Variants in COL5A1 observed in about 807,000 individuals in gnomAD.
COL5A1 encodes collagen type V alpha 1 chain.
Under a neutral mutation model 263.7 loss-of-function variants are expected in COL5A1, and 16 were observed. The ratio of observed to expected loss-of-function variants is 0.06; its 90% CI spans 0.04 to 0.09. COL5A1 has a LOEUF of 0.09. COL5A1 is among the 10% of genes least tolerant of loss of function. The pLI, the probability that COL5A1 is intolerant of heterozygous loss-of-function variation, is 1.00. For missense variants in COL5A1, 2,036 were observed against 2,540.5 expected (o/e 0.80, Z 4.27); for synonymous variants, 1,012 against 1,004.5 (o/e 1.01, Z -0.14).
intron 1 of COL5A1, among the ~76,000 whole-genome samples, chr9:134,648,435 A>G (rs1230112899): frequency 6.6e-6 from 1 of 152,052 alleles, no homozygotes; most frequent in Non-Finnish European, 1.5e-5. Flanking sequence ...CATAGGGACC[A>G]GGGTGGCCTG....
intron 1 of COL5A1, among the ~76,000 whole-genome samples, chr9:134,688,711 C>A: frequency 6.6e-6 from 1 of 152,146 alleles, no homozygotes; most frequent in Non-Finnish European, 1.5e-5. Context: ...TGTTCCCACG[C>A]CGCAGTGGGA....
Position 134,756,758 on chromosome 9 carries a change from GT to G in COL5A1, c.1828-5del. ...TTGCATTGACGGTTTTGCCTCCTTT[GT>G]TCCAGGGTCGGGCTGGGAGTGATGG... On this transcript the variant is annotated splice_region_variant and splice_polypyrimidine_tract_variant and intron_variant, in intron 16 of 65. Transcript: ENST00000371817. The G allele has an allele frequency of 6.2e-7, 1 of 1,614,040 alleles. No homozygotes were observed. The highest frequency in any genetic ancestry group is 8.5e-7 in the Non-Finnish European group (1 of 1,180,024).
At position 134,765,672 on chromosome 9, in the gene COL5A1, C is replaced by T. The variant is rs1275076639; in HGVS notation, c.2035-9C>T. 1 of 1,613,236 alleles carries T rather than the reference C, an allele frequency of 6.2e-7. No homozygotes were observed. Among genetic ancestry groups the T allele is most frequent in the Non-Finnish European group, 8.5e-7 (1 of 1,179,274 alleles). ...GAGTTTAAATCCTATTTTCCCTTTC[C>T]TCTTACAGGGGCCACGTGGTCTGCT... On this transcript the variant is annotated splice_polypyrimidine_tract_variant and intron_variant, in intron 20 of 65. Transcript: ENST00000371817. The surrounding 1 kb of genome is among the most constrained non-coding windows in gnomAD (Gnocchi z 5.1).
rs530226411 is a variant in COL5A1 at position 134,649,303 on chromosome 9, A to G, written c.109+7007A>G. On this transcript the variant is annotated intron_variant, in intron 1 of 65. Transcript: ENST00000371817. The stretch of plus-strand genomic sequence containing the variant: ...AGGAGTTTTTCTGGAGGAATCTCAA[A>G]CTAGGTAATAACCTCATATTAGCAG... The G allele has an allele frequency of 1.2e-5, 4 of 342,662 alleles. No homozygotes were observed. The Admixed American group carries it at 1.9e-4, about 16-fold the overall frequency. The allele number at this position is 342,662 out of a possible 1,614,324, so 21.2% of individuals were successfully genotyped here. A position where few individuals can be genotyped will look rare whatever the true frequency, so the allele number is the denominator to read the frequency against.
intron 1 of COL5A1, among the ~76,000 whole-genome samples, chr9:134,643,490 T>C (rs926264289): frequency 6.6e-6 from 1 of 152,174 alleles, no homozygotes; most frequent in African/African-American, 2.4e-5. Flanking sequence ...TAAAACACTC[T>C]TTTCCTTTTT....
In COL5A1 at chr9:134,830,033, C is replaced by T. The variant is rs375586129; in HGVS notation, c.5125C>T (p.Arg1709Cys). 7.1e-5 allele frequency: 114 copies of T among 1,613,906 alleles called. No homozygotes were observed. Among genetic ancestry groups the T allele is most frequent in the Non-Finnish European group, 9.2e-5 (109 of 1,179,974 alleles). The change falls in exon 64 of 66, where the codon CGT becomes TGT. Residue 1709 changes from arginine (R) to cysteine (C), a missense_variant. Transcript: ENST00000371817. Reference sequence around the variant, plus strand: ...GGGCTCCTGGTTCAGTGAATTCAAGCGTGGGAAACTGGTAAGGTGGCCTCT... The same window carrying T: ...GGGCTCCTGGTTCAGTGAATTCAAGTGTGGGAAACTGGTAAGGTGGCCTCT... ...NPGSWFSEFK[R>C]GKLLSYVDAE...
intron 42 of COL5A1, among the ~76,000 whole-genome samples, chr9:134,807,403 C>T (rs995487400): frequency 6.6e-6 from 1 of 152,216 alleles, no homozygotes; most frequent in African/African-American, 2.4e-5. Flanking sequence ...AAGCAATTCT[C>T]CTGCCTCAGC....
At chr9:134,776,932 C>T (rs1588536620) in intron 27 of COL5A1, among the ~76,000 whole-genome samples, 1 of 152,154 alleles carries the variant, frequency 6.6e-6, no homozygotes, top group East Asian at 1.9e-4. Context: ...CTGGTAAAGG[C>T]ATAATCCTAA....
rs1025787838 is a variant in COL5A1, at chr9:134,641,805, C to G, written c.-383C>G. On this transcript the variant is annotated 5_prime_UTR_variant, in exon 1 of 66. Transcript: ENST00000371817. ...AAGTGCTCCGCGCCGAAGGCGAGGTCCGCACTCTCCGTCCCCGCGGCTGGC... is the reference window on the plus strand; with the variant it reads ...AAGTGCTCCGCGCCGAAGGCGAGGTGCGCACTCTCCGTCCCCGCGGCTGGC... The G allele has an allele frequency of 2.6e-6, 1 of 385,250 alleles. No individual in the cohort carries two copies. The allele number at this position is 385,250 out of a possible 1,614,324, so 23.9% of individuals were successfully genotyped here.
intron 4 of COL5A1, among the ~76,000 whole-genome samples, chr9:134,711,729 C>T (rs1454651038): frequency 3.9e-5 from 6 of 152,032 alleles, no homozygotes; most frequent in African/African-American, 9.7e-5. Flanking sequence ...CTTGGGGTCC[C>T]GGATAGGAGG....
chr9:134,819,110 C>G, intron 57 of COL5A1, 57 bp downstream of exon 57: 1 of 1,571,150 alleles, frequency 6.4e-7, no homozygotes, highest in Non-Finnish European at 8.8e-7. Context: ...AATTTGTGGC[C>G]GTGGGTCTCA....
chr9:134,788,293 T>C lies in COL5A1; in HGVS notation c.2647-862T>C, dbSNP rs1461580825. Among the ~76,000 whole-genome samples, 6 of 146,386 alleles carry C rather than the reference T, an allele frequency of 4.1e-5. No individual in the cohort carries two copies. In the East Asian group the frequency reaches 1.2e-3, roughly 30 times the overall value. ...GTGGATGAATGGATGGGTGGGCAGG[T>C]AAGTAGACAGGTCGATGAATGGAGG... is the stretch of plus-strand genomic sequence containing the variant. On this transcript the variant is annotated intron_variant, in intron 31 of 65. Coordinates refer to ENST00000371817, the MANE Select transcript of COL5A1 (RefSeq NM_000093.5).
chr9:134,790,489 TCCAC>T lies in COL5A1; in HGVS notation c.2700+1301_2700+1304del, dbSNP rs1358310118. Among the ~76,000 whole-genome samples, 28 of 49,888 alleles carry T rather than the reference TCCAC, an allele frequency of 5.6e-4. 1 individual carries two copies. Among genetic ancestry groups the T allele is most frequent in the Admixed American group, 1.3e-3 (6 of 4,564 alleles). The allele number at this position is 49,888 out of a possible 152,430, so 32.7% of individuals were successfully genotyped here. The stretch of plus-strand genomic sequence containing the variant: ...AGCCACCCACCCACCCATCCACCCA[TCCAC>T]CCACCCACCCACCCACCCATCCATT... On this transcript the variant is annotated intron_variant, in intron 32 of 65. Coordinates refer to ENST00000371817, the MANE Select transcript of COL5A1 (RefSeq NM_000093.5).
chr9:134,664,371 A>G (rs1832296042), intron 1 of COL5A1, among the ~76,000 whole-genome samples: 2 of 152,220 alleles, frequency 1.3e-5, no homozygotes, highest in Non-Finnish European at 2.9e-5. Flanking sequence ...ACCCCATAAA[A>G]GTCAAGATTT....
In COL5A1 at chr9:134,642,322, T is replaced by C. The variant is rs969429516; in HGVS notation, c.109+26T>C. On this transcript the variant is annotated intron_variant, in intron 1 of 65. Coordinates refer to ENST00000371817, the MANE Select transcript of COL5A1 (RefSeq NM_000093.5). The surrounding 1 kb of genome is among the most constrained non-coding windows in gnomAD (Gnocchi z 4.5). Reference sequence around the variant, plus strand: ...GTAAGGGCGCCCCGGGGCGCGGGGCTGCGGGATGGGGCGCGCGCAGCCCGG... The same window carrying C: ...GTAAGGGCGCCCCGGGGCGCGGGGCCGCGGGATGGGGCGCGCGCAGCCCGG... 2.1e-5 allele frequency: 15 copies of C among 713,260 alleles called. No homozygotes were observed. In the African/African-American group the frequency reaches 2.3e-4, roughly 11 times the overall value. The allele number at this position is 713,260 out of a possible 1,614,324, so 44.2% of individuals were successfully genotyped here.
At chr9:134,728,950 C>T (rs761606347) in intron 6 of COL5A1, 143 bp downstream of exon 6, 35 of 1,061,142 alleles carry the variant, frequency 3.3e-5, no homozygotes, top group Non-Finnish European at 4.6e-5. Context: ...GTGAGGGAGC[C>T]GGCTGTTGCC....
At chr9:134,646,255 AGGGCCCTCCAT>A (rs1831471648) in intron 1 of COL5A1, among the ~76,000 whole-genome samples, 1 of 152,204 alleles carries the variant, frequency 6.6e-6, no homozygotes, top group African/African-American at 2.4e-5. Flanking sequence ...AATTTTACTC[AGGGCCCTCCAT>A]GGGATGTGCT....
chr9:134,776,625 C>T (rs538607697), intron 27 of COL5A1, among the ~76,000 whole-genome samples: 120 of 152,324 alleles, frequency 7.9e-4, no homozygotes, highest in African/African-American at 2.4e-3. Flanking sequence ...GCCGAGCTGC[C>T]GCCATTTGAG....
rs12553247 is a variant in COL5A1, at chr9:134,842,317, C to G, written c.*14C>G. ...TTCATGGGCTAGGAGCCGCCGAGCCCGGGCTCCCGAGAGCAACCTCGTGAC... is the reference window on the plus strand; with the variant it reads ...TTCATGGGCTAGGAGCCGCCGAGCCGGGGCTCCCGAGAGCAACCTCGTGAC... On this transcript the variant is annotated 3_prime_UTR_variant, in exon 66 of 66. Transcript: ENST00000371817. This position sits in a 1 kb window ranked among gnomAD's most constrained non-coding sequence, Gnocchi z 5.8. 3 of 1,613,722 alleles carry G rather than the reference C, an allele frequency of 1.9e-6. No homozygotes were observed. The highest frequency in any genetic ancestry group is 2.2e-5 in the East Asian group (1 of 44,856).
Sources: allele counts gnomAD v4.1 joint callset (sites outside exome capture counted in the v4.1 genomes callset), GRCh38; gene constraint gnomAD v4.1.1; non-coding constraint Gnocchi (gnomAD v3.1); transcripts MANE v1.5; gene names NCBI Gene and HGNC (gene_info 2026-07-23, HGNC 2026-07-21).